The following IQCM variants were observed in gnomAD, a reference collection of about 807,000 sequenced individuals.
IQCM encodes IQ motif containing M.
In IQCM, 45 loss-of-function variants were observed where a neutral mutation model predicts 57.6. That is an observed-to-expected ratio of 0.78 (90% CI 0.62 to 1.00). The LOEUF is 1.00. Ranked by LOEUF, IQCM falls within the 50% of genes least tolerant of loss-of-function variation. The pLI is 0.00. For synonymous variants in IQCM, 148 were observed against 158.9 expected (o/e 0.93, Z 0.51); for missense variants, 468 against 511.6 (o/e 0.91, Z 0.82).
chr4:149,590,065 T>TAA (rs1434636158), intron 8 of IQCM, among the ~76,000 whole-genome samples: 1 of 151,946 alleles, frequency 6.6e-6, no homozygotes, highest in Non-Finnish European at 1.5e-5. Flanking sequence ...TTCTCCATAA[T>TAA]AAGGGGTGGC....
At chr4:149,769,979 C>T (rs1365591426) in intron 2 of IQCM, among the ~76,000 whole-genome samples, 1 of 150,646 alleles carries the variant, frequency 6.6e-6, no homozygotes, top group Non-Finnish European at 1.5e-5. Flanking sequence ...CTCAAGTAAG[C>T]ACAGTAAATA....
intron 12 of IQCM, among the ~76,000 whole-genome samples, chr4:149,526,667 A>G (rs1421331498): frequency 1.3e-5 from 2 of 152,038 alleles, no homozygotes; most frequent in Non-Finnish European, 2.9e-5. Flanking sequence ...AATGCTCTCA[A>G]CAGAACTAAA....
At chr4:149,786,106 A>C (rs2150019789) in intron 2 of IQCM, among the ~76,000 whole-genome samples, 1 of 152,342 alleles carries the variant, frequency 6.6e-6, no homozygotes. Flanking sequence ...ACAACTAAAT[A>C]AATGAACCAA....
chr4:149,441,138 G>T (rs1430518763), intron 12 of IQCM, among the ~76,000 whole-genome samples: 2 of 152,114 alleles, frequency 1.3e-5, no homozygotes, highest in Non-Finnish European at 2.9e-5. Context: ...AAATATAACT[G>T]CATCTTTACT....
chr4:149,799,628 G>A (rs1464230999), intron 2 of IQCM, among the ~76,000 whole-genome samples: 3 of 151,340 alleles, frequency 2.0e-5, no homozygotes, highest in African/African-American at 7.3e-5. Context: ...AAGTAAAATC[G>A]GAGATGAGAA....
intron 12 of IQCM, among the ~76,000 whole-genome samples, chr4:149,451,773 A>G (rs1252456075): frequency 6.6e-6 from 1 of 151,800 alleles, no homozygotes; most frequent in Non-Finnish European, 1.5e-5. Flanking sequence ...AAAAAACAAT[A>G]GCCAACATCA....
intron 5 of IQCM, among the ~76,000 whole-genome samples, chr4:149,719,574 A>C (rs190781355): frequency 6.6e-6 from 1 of 152,210 alleles, no homozygotes. Flanking sequence ...GTCCAGCTAA[A>C]GTTTATCTTC....
intron 7 of IQCM, among the ~76,000 whole-genome samples, chr4:149,634,477 A>G (rs1273746102): frequency 6.6e-6 from 1 of 152,222 alleles, no homozygotes; most frequent in Non-Finnish European, 1.5e-5. Flanking sequence ...TAAATTCCTT[A>G]TAAGGCATGG....
At chr4:149,728,858 C>T (rs1032100794) in intron 5 of IQCM, among the ~76,000 whole-genome samples, 1 of 152,144 alleles carries the variant, frequency 6.6e-6, no homozygotes, top group African/African-American at 2.4e-5. Flanking sequence ...TCCCCCTAGG[C>T]ACTACATCCA....
At chr4:149,628,993 C>G (rs956479840) in intron 7 of IQCM, among the ~76,000 whole-genome samples, 1 of 152,126 alleles carries the variant, frequency 6.6e-6, no homozygotes, top group African/African-American at 2.4e-5. Flanking sequence ...ATCAAATACA[C>G]CAATGCTCTG....
intron 12 of IQCM, among the ~76,000 whole-genome samples, chr4:149,456,913 G>A (rs1214837158): frequency 3.3e-5 from 5 of 152,056 alleles, no homozygotes; most frequent in African/African-American, 1.2e-4. Flanking sequence ...AACTTTCTAT[G>A]TAGCCCAGTG....
intron 13 of IQCM, among the ~76,000 whole-genome samples, chr4:149,392,125 GTT>G (rs34228770): frequency 0.026 from 3,811 of 146,172 alleles, 67 homozygotes; most frequent in Non-Finnish European, 0.033. Context: ...AATTTTGTCA[GTT>G]TTTTTTTTTT....
At position 149,546,772 on chromosome 4, in the gene IQCM, T is replaced by C. The variant is rs557681531; in HGVS notation, c.1228+1683A>G. ...AAATTTTCTCCCATTCTGTAGGTTG[T>C]CTGTTCACTCTGATGGTAGTTTCTT... On this transcript the variant is annotated intron_variant, in intron 12 of 13. Transcript: ENST00000636793. Among the ~76,000 whole-genome samples the C allele has an allele frequency of 2.5e-3, 379 of 151,836 alleles. 1 individual carries two copies. Among genetic ancestry groups the C allele is most frequent in the African/African-American group, 8.6e-3 (357 of 41,426 alleles).
intron 13 of IQCM, among the ~76,000 whole-genome samples, chr4:149,365,310 T>C (rs1560776056): frequency 6.6e-6 from 1 of 152,030 alleles, no homozygotes; most frequent in Non-Finnish European, 1.5e-5. Flanking sequence ...TGGAAAAAAT[T>C]GAGCAACAAC....
chr4:149,759,263 G>A (rs762523919), intron 2 of IQCM, among the ~76,000 whole-genome samples: 8 of 152,150 alleles, frequency 5.3e-5, no homozygotes, highest in Non-Finnish European at 7.4e-5. Context: ...GTAAAGGGAA[G>A]GGGAGAGATG....
chr4:149,797,693 C>A (rs1773233276), intron 2 of IQCM, among the ~76,000 whole-genome samples: 1 of 151,208 alleles, frequency 6.6e-6, no homozygotes, highest in African/African-American at 2.4e-5. Flanking sequence ...AGAAAAGAAA[C>A]AAATAACATA....
At chr4:149,638,978 A>G (rs1161281714) in intron 7 of IQCM, among the ~76,000 whole-genome samples, 1 of 152,094 alleles carries the variant, frequency 6.6e-6, no homozygotes, top group Non-Finnish European at 1.5e-5. Flanking sequence ...CTAAACTCAG[A>G]TCAGCATTTA....
At chr4:149,728,117 C>T (rs1369907702) in intron 5 of IQCM, among the ~76,000 whole-genome samples, 1 of 152,220 alleles carries the variant, frequency 6.6e-6, no homozygotes, top group Non-Finnish European at 1.5e-5. Context: ...GCTCACTCCT[C>T]TCCAGCTGAT....
chr4:149,353,639 G>A (rs758934929), intron 13 of IQCM, among the ~76,000 whole-genome samples: 1 of 152,154 alleles, frequency 6.6e-6, no homozygotes, highest in South Asian at 2.1e-4. Flanking sequence ...GCCACAACAT[G>A]AGTGAACTTG....
Sources: allele counts gnomAD v4.1 joint callset (sites outside exome capture counted in the v4.1 genomes callset), GRCh38; gene constraint gnomAD v4.1.1; transcripts MANE v1.5; gene names NCBI Gene and HGNC (gene_info 2026-07-23, HGNC 2026-07-21).